The following KLRG1 variants were observed in gnomAD, a reference collection of about 807,000 sequenced individuals.
KLRG1 encodes the protein killer cell lectin like receptor G1.
In KLRG1, 16 loss-of-function variants were observed where a neutral mutation model predicts 21.8. That is an observed-to-expected ratio of 0.73 (90% confidence interval 0.50 to 1.11). The LOEUF (loss-of-function observed/expected upper bound fraction) is 1.11. Among genes scored for constraint, KLRG1 ranks in the 50% most tolerant of loss-of-function variants. The probability of loss-of-function intolerance (pLI) is 0.00; values close to 1 mark genes in which losing one functional copy is unlikely to be tolerated. For synonymous variants in KLRG1, 69 were observed against 75.9 expected (o/e 0.91, Z 0.47); for missense variants, 173 against 218.3 (o/e 0.79, Z 1.31).
At chr12:9,071,324 C>G in the KLRG1 span, among the ~76,000 whole-genome samples, 1 of 152,014 alleles carries the variant, frequency 6.6e-6, no homozygotes, top group South Asian at 2.1e-4. Context: ...TGGCTTTCAA[C>G]AAAACACTTA....
At chr12:9,122,659 C>T in the KLRG1 span, among the ~76,000 whole-genome samples, 5 of 151,892 alleles carry the variant, frequency 3.3e-5, no homozygotes, top group African/African-American at 7.3e-5. Flanking sequence ...GTTGAACTGT[C>T]GGTCCCTAAA....
the KLRG1 span, among the ~76,000 whole-genome samples, chr12:9,041,700 G>C: frequency 6.6e-6 from 1 of 152,190 alleles, no homozygotes; most frequent in African/African-American, 2.4e-5. Context: ...AGTCTATTTG[G>C]AGAGTGAGAG....
the KLRG1 span, among the ~76,000 whole-genome samples, chr12:9,200,154 G>A: frequency 2.0e-5 from 3 of 152,024 alleles, no homozygotes; most frequent in South Asian, 4.2e-4. Flanking sequence ...GAAACAATAC[G>A]GAAAGATGTT....
the KLRG1 span, among the ~76,000 whole-genome samples, chr12:9,126,217 AT>A: frequency 6.6e-6 from 1 of 152,304 alleles, no homozygotes; most frequent in African/African-American, 2.4e-5. Flanking sequence ...TACTAGTTTC[AT>A]TTTCTGAAGT....
the KLRG1 span, among the ~76,000 whole-genome samples, chr12:9,105,602 C>T: frequency 6.6e-6 from 1 of 152,166 alleles, no homozygotes; most frequent in Non-Finnish European, 1.5e-5. Context: ...TCCATTTGCA[C>T]ATCTGCTGAC....
At chr12:9,143,196 G>C in the KLRG1 span, among the ~76,000 whole-genome samples, 1 of 152,230 alleles carries the variant, frequency 6.6e-6, no homozygotes, top group Non-Finnish European at 1.5e-5. Flanking sequence ...GATAATGAGA[G>C]GGATTTTCAG....
At chr12:9,050,522 C>G in the KLRG1 span, among the ~76,000 whole-genome samples, 1 of 152,198 alleles carries the variant, frequency 6.6e-6, no homozygotes, top group Non-Finnish European at 1.5e-5. Context: ...CAGCTGCAGA[C>G]CCAGGCTTCC....
At chr12:9,070,439 C>T in the KLRG1 span, 18 of 1,220,298 alleles carry the variant, frequency 1.5e-5, no homozygotes, top group Non-Finnish European at 2.1e-5. Context: ...GCTGGGGATA[C>T]ATACATCATT....
chr12:9,112,707 G>A, the KLRG1 span: 6 of 645,574 alleles, frequency 9.3e-6, no homozygotes, highest in South Asian at 9.7e-5. Context: ...TTTACAAATG[G>A]GGAGACAGGA....
At chr12:9,099,631 T>C in the KLRG1 span, 1 of 1,303,366 alleles carries the variant, frequency 7.7e-7, no homozygotes, top group South Asian at 1.6e-5. Context: ...GATGATTACC[T>C]CTAAGGACTC....
chr12:9,208,249 T>A, the KLRG1 span: 1 of 1,608,836 alleles, frequency 6.2e-7, no homozygotes, highest in African/African-American at 1.3e-5. Flanking sequence ...GGGTCTTGAG[T>A]GAGACTTACG....
the KLRG1 span, chr12:9,109,262 C>T: frequency 1.4e-6 from 2 of 1,401,472 alleles, no homozygotes; most frequent in African/African-American, 1.4e-5. Context: ...TAAAATATCC[C>T]AAATGGTGAG....
chr12:9,094,218 A>G, the KLRG1 span, among the ~76,000 whole-genome samples: 2 of 151,788 alleles, frequency 1.3e-5, no homozygotes, highest in Admixed American at 6.6e-5. Flanking sequence ...TAATAATAAT[A>G]AAGACTTTTT....
At chr12:9,173,656 A>T in the KLRG1 span, among the ~76,000 whole-genome samples, 3 of 152,218 alleles carry the variant, frequency 2.0e-5, no homozygotes, top group Admixed American at 6.5e-5. Flanking sequence ...ATCACCACTG[A>T]CCTCACAGAA....
chr12:9,163,779 G>T, the KLRG1 span: 2 of 1,611,498 alleles, frequency 1.2e-6, no homozygotes, highest in Non-Finnish European at 1.7e-6. Flanking sequence ...TCACTGAGAA[G>T]TTCACATTCC....
chr12:9,029,081 C>T, the KLRG1 span: 4 of 465,422 alleles, frequency 8.6e-6, no homozygotes, highest in African/African-American at 6.0e-5. Context: ...GAGACTCAGA[C>T]TTAGACATGA....
the KLRG1 span, among the ~76,000 whole-genome samples, chr12:9,185,790 A>ATTTCT: frequency 4.2e-4 from 56 of 134,320 alleles, 1 homozygote; most frequent in East Asian, 3.0e-3. Context: ...TATGTTCAAC[A>ATTTCT]TTTCTTTTCT....
intron 1 of KLRG1, among the ~76,000 whole-genome samples, chr12:8,957,502 T>A: frequency 6.6e-6 from 1 of 151,802 alleles, no homozygotes; most frequent in Non-Finnish European, 1.5e-5. Flanking sequence ...AATACTTGTT[T>A]TGTTTTTTGT....
chr12:9,101,133 G>A, the KLRG1 span: 1 of 1,556,548 alleles, frequency 6.4e-7, no homozygotes, highest in South Asian at 1.2e-5. Flanking sequence ...AGAGATGATG[G>A]AAATACTCAC....
Sources: allele counts gnomAD v4.1 joint callset (sites outside exome capture counted in the v4.1 genomes callset), GRCh38; gene constraint gnomAD v4.1.1; transcripts MANE v1.5; gene names NCBI Gene and HGNC (gene_info 2026-07-23, HGNC 2026-07-21).